SP140L: variants seen among roughly 807,000 people sequenced by gnomAD.
The protein encoded by SP140L is SP140 like nuclear body protein, also known as nuclear body protein SP140-like protein.
Under a neutral mutation model 84.3 loss-of-function variants are expected in SP140L, and 64 were observed. The ratio of observed to expected loss-of-function variants is 0.76; its 90% CI spans 0.62 to 0.94. The LOEUF (loss-of-function observed/expected upper bound fraction) is 0.94. Ranked by LOEUF, SP140L falls within the 40% of genes least tolerant of loss-of-function variation. SP140L has a pLI of 0.00. For missense variants in SP140L, 628 were observed against 692.5 expected (o/e 0.91, Z 1.05); for synonymous variants, 242 against 236.9 (o/e 1.02, Z -0.20).
chr2:230,371,509 C>T, intron 6 of SP140L, 89 bp from the exon 7 acceptor site: 1 of 1,170,934 alleles, frequency 8.5e-7, no homozygotes, highest in Non-Finnish European at 1.2e-6. Context: ...TCTTTATAAA[C>T]TCAAGCCTTC....
intron 2 of SP140L, among the ~76,000 whole-genome samples, chr2:230,333,407 T>C (rs11900220): frequency 0.15 from 22,411 of 152,062 alleles, 1,824 homozygotes; most frequent in African/African-American, 0.21. Context: ...ATCCACTCGC[T>C]TCGGCCTCCC....
chr2:230,343,788 A>G (rs1019169809), intron 2 of SP140L, among the ~76,000 whole-genome samples: 1 of 152,086 alleles, frequency 6.6e-6, no homozygotes, highest in Non-Finnish European at 1.5e-5. Context: ...GTGTGAGATA[A>G]TATCTCATGT....
chr2:230,387,995 C>G (rs900126127), intron 9 of SP140L, among the ~76,000 whole-genome samples: 4 of 152,172 alleles, frequency 2.6e-5, no homozygotes, highest in African/African-American at 9.7e-5. Flanking sequence ...CAGCATACAT[C>G]TCACCTATGG....
intron 9 of SP140L, among the ~76,000 whole-genome samples, chr2:230,385,882 AC>A (rs988759542): frequency 1.3e-5 from 2 of 151,784 alleles, no homozygotes; most frequent in Admixed American, 1.3e-4. Flanking sequence ...TCTTGGCCCT[AC>A]CCCCACTCCA....
rs544565061 is a variant in SP140L at position 230,334,469 on chromosome 2, C to T, written c.107+5638C>T. Among the ~76,000 whole-genome samples, 5 of 152,242 alleles carry T rather than the reference C, an allele frequency of 3.3e-5. No individual in the cohort carries two copies. The East Asian group carries it at 5.8e-4, about 18-fold the overall frequency. ...AAGATGAATGCAGATGTGTTCAACCCGCCAGGCTTAATGAAATACATAGAT... is the reference window on the plus strand; with the variant it reads ...AAGATGAATGCAGATGTGTTCAACCTGCCAGGCTTAATGAAATACATAGAT... On this transcript the variant is annotated intron_variant, in intron 2 of 18. Coordinates refer to ENST00000415673, the MANE Select transcript of SP140L (RefSeq NM_138402.6).
rs1352739382 is a variant in SP140L at position 230,330,494 on chromosome 2, C to T, written c.107+1663C>T. Among the ~76,000 whole-genome samples, 8 of 152,178 alleles carry T rather than the reference C, an allele frequency of 5.3e-5. 1 individual carries two copies. Among genetic ancestry groups the T allele is most frequent in the Admixed American group, 5.2e-4 (8 of 15,282 alleles). On this transcript the variant is annotated intron_variant, in intron 2 of 18. Transcript: ENST00000415673. ...TTAAACTTTGGGTTCCCAAATTAGC[C>T]TGTCAAAATCTTGGCATTTTGTGTG...
chr2:230,373,587 A>G (rs1401820636), intron 7 of SP140L, among the ~76,000 whole-genome samples: 1 of 152,218 alleles, frequency 6.6e-6, no homozygotes, highest in East Asian at 1.9e-4. Flanking sequence ...CTCAGAAAAA[A>G]AGACTCTTTT....
At chr2:230,388,129 C>G (rs11886779) in intron 9 of SP140L, among the ~76,000 whole-genome samples, 26,884 of 152,014 alleles carry the variant, frequency 0.18, 2,672 homozygotes, top group South Asian at 0.44. Flanking sequence ...ATATTTTAGT[C>G]TCTGTAATGA....
intron 9 of SP140L, among the ~76,000 whole-genome samples, chr2:230,386,720 T>C (rs2149800072): frequency 6.6e-6 from 1 of 152,282 alleles, no homozygotes; most frequent in Non-Finnish European, 1.5e-5. Flanking sequence ...TGTTTCTTTT[T>C]TCTCCCTAAA....
intron 7 of SP140L, among the ~76,000 whole-genome samples, chr2:230,379,029 C>T (rs1330716491): frequency 6.6e-6 from 1 of 152,110 alleles, no homozygotes; most frequent in Admixed American, 6.5e-5. Flanking sequence ...CATATTGGTG[C>T]TTTTGCCTTA....
At chr2:230,330,995 G>C (rs2059711061) in intron 2 of SP140L, among the ~76,000 whole-genome samples, 1 of 152,152 alleles carries the variant, frequency 6.6e-6, no homozygotes, top group Non-Finnish European at 1.5e-5. Context: ...GGCTGTCATG[G>C]TATCTCAGTG....
At position 230,349,502 on chromosome 2, in the gene SP140L, G is replaced by T. The variant is rs187812386; in HGVS notation, c.108-8303G>T. ...TGAGTCTTCCAATCCATGAACATGG[G>T]TATCTCTATTTATTTAGATTGTTAA... On this transcript the variant is annotated intron_variant, in intron 2 of 18. Coordinates refer to ENST00000415673, the MANE Select transcript of SP140L (RefSeq NM_138402.6). Among the ~76,000 whole-genome samples, 158 of 152,192 alleles carry T rather than the reference G, an allele frequency of 1.0e-3. 1 individual carries two copies. The highest frequency in any genetic ancestry group is 3.7e-3 in the African/African-American group (154 of 41,520).
chr2:230,341,442 C>T (rs1196959088), intron 2 of SP140L, among the ~76,000 whole-genome samples: 4 of 111,650 alleles, frequency 3.6e-5, no homozygotes, highest in Non-Finnish European at 7.0e-5. Flanking sequence ...TTTGAATGTC[C>T]GCCCGTAGCT....
chr2:230,358,058 G>A (rs2060603684), intron 3 of SP140L, 91 bp downstream of exon 3: 12 of 1,448,766 alleles, frequency 8.3e-6, no homozygotes, highest in Non-Finnish European at 1.1e-5. Context: ...AAAAGGAGAG[G>A]AGAAGCAGAG....
intron 11 of SP140L, 94 bp from the exon 12 acceptor site, chr2:230,391,993 A>T: frequency 6.5e-7 from 1 of 1,542,222 alleles, no homozygotes. Context: ...TCTTCATCAC[A>T]AATTGGGTGG....
chr2:230,327,435 T>C (rs763143035), intron 1 of SP140L, 134 bp downstream of exon 1: 1 of 1,029,098 alleles, frequency 9.7e-7, no homozygotes. Context: ...TGTAATATAA[T>C]GGAATAAAAG....
At chr2:230,340,251 TTCTTTG>T (rs2060000892) in intron 2 of SP140L, among the ~76,000 whole-genome samples, 1 of 150,636 alleles carries the variant, frequency 6.6e-6, no homozygotes, top group Non-Finnish European at 1.5e-5. Flanking sequence ...TGTAATGGCC[TTCTTTG>T]TCTCTTTTGA....
At chr2:230,371,057 G>T in intron 6 of SP140L, 90 bp downstream of exon 6, 1 of 1,152,786 alleles carries the variant, frequency 8.7e-7, no homozygotes, top group South Asian at 1.3e-5. Context: ...AGTCCGCCCA[G>T]AATCCTGTTC....
chr2:230,345,364 C>T (rs2060176895), intron 2 of SP140L, among the ~76,000 whole-genome samples: 1 of 152,158 alleles, frequency 6.6e-6, no homozygotes, highest in Non-Finnish European at 1.5e-5. Flanking sequence ...TTTTTCCATA[C>T]CTTCACCTTC....
Sources: allele counts gnomAD v4.1 joint callset (sites outside exome capture counted in the v4.1 genomes callset), GRCh38; gene constraint gnomAD v4.1.1; transcripts MANE v1.5; gene names NCBI Gene and HGNC (gene_info 2026-07-23, HGNC 2026-07-21).